CCDC171: variants seen among roughly 807,000 people sequenced by gnomAD.
CCDC171 encodes coiled-coil domain-containing protein 171.
CCDC171 carries 177 observed loss-of-function variants against 168.2 expected under a neutral mutation model. The ratio of observed to expected loss-of-function variants is 1.05; its 90% CI spans 0.93 to 1.19. The LOEUF is 1.19. CCDC171 is among the 50% of genes most tolerant of loss of function. CCDC171 has a pLI of 0.00. For synonymous variants in CCDC171, 687 were observed against 540.8 expected (o/e 1.27, Z -3.75); for missense variants, 1,991 against 1,539.0 (o/e 1.29, Z -4.91).
At chr9:15,786,502 A>G (rs2057962611) in intron 21 of CCDC171, among the ~76,000 whole-genome samples, 5 of 152,170 alleles carry the variant, frequency 3.3e-5, no homozygotes. Context: ...TAAAAATACA[A>G]TCATACTATT....
At chr9:16,019,838 G>A (rs142079958) in intron 3 of CCDC171, among the ~76,000 whole-genome samples, 46 of 152,288 alleles carry the variant, frequency 3.0e-4, no homozygotes, top group African/African-American at 1.1e-3. Context: ...GGTATCAAAG[G>A]GAAAGTTGAT....
Position 15,638,889 on chromosome 9 carries a change from A to T in CCDC171, c.822+15476A>T, listed in dbSNP as rs1186972963. Among the ~76,000 whole-genome samples the T allele has an allele frequency of 2.0e-5, 3 of 152,150 alleles. No individual in the cohort carries two copies. The East Asian group carries it at 5.8e-4, about 29-fold the overall frequency. On this transcript the variant is annotated intron_variant, in intron 7 of 25. Transcript: ENST00000380701. ...TTATAAACCTCTTTACAACTAGGGG[A>T]GTTTATTATCATGGGAAATAAGCTT...
At chr9:15,758,488 C>T (rs1172549350) in intron 18 of CCDC171, among the ~76,000 whole-genome samples, 1 of 152,140 alleles carries the variant, frequency 6.6e-6, no homozygotes, top group East Asian at 1.9e-4. Flanking sequence ...GTGGAAGGGA[C>T]TTGCCTTGTC....
At chr9:16,012,959 A>G (rs1832909611) in intron 3 of CCDC171, among the ~76,000 whole-genome samples, 1 of 151,988 alleles carries the variant, frequency 6.6e-6, no homozygotes, top group Non-Finnish European at 1.5e-5. Flanking sequence ...ACCAGCTACC[A>G]CAGTTTTCCT....
chr9:15,995,222 A>G (rs934397558), intron 3 of CCDC171, among the ~76,000 whole-genome samples: 2 of 151,610 alleles, frequency 1.3e-5, no homozygotes, highest in Non-Finnish European at 1.5e-5. Context: ...GGGGGAAAGT[A>G]CCTGCCATAA....
the CCDC171 span, among the ~76,000 whole-genome samples, chr9:16,097,661 G>A: frequency 1.3e-5 from 2 of 152,160 alleles, no homozygotes; most frequent in Non-Finnish European, 2.9e-5. Context: ...AGTAGATGAG[G>A]CATGACCATA....
At chr9:15,574,928 A>G (rs1297031572) in intron 3 of CCDC171, among the ~76,000 whole-genome samples, 2 of 152,220 alleles carry the variant, frequency 1.3e-5, no homozygotes, top group Non-Finnish European at 1.5e-5. Context: ...AGAATTGCTT[A>G]TAGACTCATA....
chr9:15,877,227 G>A (rs1024212920), intron 24 of CCDC171, among the ~76,000 whole-genome samples: 11 of 151,904 alleles, frequency 7.2e-5, no homozygotes, highest in Admixed American at 2.0e-4. Context: ...ACTGATCCCC[G>A]AGACTTGCAG....
chr9:15,704,100 A>C (rs756708901), intron 11 of CCDC171, among the ~76,000 whole-genome samples: 1 of 152,234 alleles, frequency 6.6e-6, no homozygotes, highest in Non-Finnish European at 1.5e-5. Context: ...AAATCGCAAT[A>C]CCTGTGAAGC....
At chr9:15,627,701 G>T (rs1046353417) in intron 7 of CCDC171, among the ~76,000 whole-genome samples, 1 of 152,158 alleles carries the variant, frequency 6.6e-6, no homozygotes, top group Non-Finnish European at 1.5e-5. Flanking sequence ...TATAATTTCT[G>T]TTCTTTTATA....
intron 21 of CCDC171, among the ~76,000 whole-genome samples, chr9:15,792,179 C>G (rs1422681017): frequency 2.0e-5 from 3 of 152,176 alleles, no homozygotes; most frequent in African/African-American, 7.2e-5. Flanking sequence ...GATGAATGCA[C>G]AAGCTTCAGT....
At chr9:15,925,283 G>A (rs994822631) in intron 25 of CCDC171, among the ~76,000 whole-genome samples, 1 of 151,574 alleles carries the variant, frequency 6.6e-6, no homozygotes, top group Non-Finnish European at 1.5e-5. Context: ...TTGAGCTAGT[G>A]ACTGAAGATT....
At chr9:15,574,344 C>T (rs1357046255) in intron 3 of CCDC171, among the ~76,000 whole-genome samples, 1 of 151,778 alleles carries the variant, frequency 6.6e-6, no homozygotes, top group Non-Finnish European at 1.5e-5. Flanking sequence ...GGGATTTCAC[C>T]ATCTTGGCCA....
intron 6 of CCDC171, among the ~76,000 whole-genome samples, chr9:16,024,161 C>T (rs1833230763): frequency 6.6e-6 from 1 of 152,062 alleles, no homozygotes; most frequent in Non-Finnish European, 1.5e-5. Context: ...TCTGTCTACA[C>T]CTTGATTTTA....
At chr9:15,597,915 T>A (rs1450834917) in intron 6 of CCDC171, among the ~76,000 whole-genome samples, 2 of 152,154 alleles carry the variant, frequency 1.3e-5, no homozygotes, top group Non-Finnish European at 2.9e-5. Flanking sequence ...TCTTCTAGAT[T>A]TTCTAGTTTA....
At chr9:15,756,396 T>C (rs2134981329) in intron 18 of CCDC171, among the ~76,000 whole-genome samples, 1 of 152,324 alleles carries the variant, frequency 6.6e-6, no homozygotes, top group African/African-American at 2.4e-5. Flanking sequence ...TTTCAACTTT[T>C]ATTTTAGATC....
At position 15,863,795 on chromosome 9, in the gene CCDC171, A is replaced by G. The variant is rs543091946; in HGVS notation, c.3469-10737A>G. 5.9e-5 allele frequency among the ~76,000 whole-genome samples: 9 copies of G among 152,134 alleles called. No homozygotes were observed. In the East Asian group the frequency reaches 7.8e-4, roughly 13 times the overall value. On this transcript the variant is annotated intron_variant, in intron 23 of 25. Coordinates refer to ENST00000380701, the MANE Select transcript of CCDC171 (RefSeq NM_173550.4). ...TATACTTTCTTTTTTCGTGGCATAC[A>G]CAGTTTTTTGTTGAAAAGTAGATAT... is the stretch of plus-strand genomic sequence containing the variant.
chr9:16,050,935 C>T (rs1373571752), intron 1 of CCDC171, among the ~76,000 whole-genome samples: 1 of 152,202 alleles, frequency 6.6e-6, no homozygotes, highest in African/African-American at 2.4e-5. Flanking sequence ...CACTTTTATA[C>T]ATGTCACTTT....
At chr9:15,962,191 C>T (rs759238466) in intron 25 of CCDC171, among the ~76,000 whole-genome samples, 1 of 152,034 alleles carries the variant, frequency 6.6e-6, no homozygotes, top group Non-Finnish European at 1.5e-5. Context: ...AAACATATAC[C>T]CTAGAAAGCA....
Sources: allele counts gnomAD v4.1 joint callset (sites outside exome capture counted in the v4.1 genomes callset), GRCh38; gene constraint gnomAD v4.1.1; transcripts MANE v1.5; gene names NCBI Gene and HGNC (gene_info 2026-07-23, HGNC 2026-07-21).